SYTL1: variants seen among roughly 807,000 people sequenced by gnomAD.
The protein encoded by SYTL1 is synaptotagmin-like protein 1.
SYTL1 carries 53 observed loss-of-function variants against 74.6 expected under a neutral mutation model. The observed-to-expected ratio is 0.71, with a 90% CI of 0.57 to 0.89. The LOEUF (loss-of-function observed/expected upper bound fraction) is 0.89, where lower values mean the gene tolerates loss of function less well. SYTL1 is among the 40% of genes least tolerant of loss of function. The pLI is 0.00. For missense variants in SYTL1, 728 were observed against 768.7 expected, an observed-to-expected ratio of 0.95 and a Z score of 0.63; for synonymous variants, 329 against 324.9, an observed-to-expected ratio of 1.01 and a Z score of -0.14.
Position 27,349,695 on chromosome 1 carries a change from C to G in SYTL1, c.677C>G (p.Pro226Arg), listed in dbSNP as rs779766613. The G allele has an allele frequency of 5.0e-6, 8 of 1,611,144 alleles. No homozygotes were observed. In the South Asian group the frequency reaches 8.8e-5, roughly 18 times the overall value. Residue 226 changes from proline to arginine, a missense_variant, in exon 8 of 15, where the codon CCG becomes CGG. By Grantham distance (103) the Pro-to-Arg change is moderately radical. Transcript: ENST00000616558. ...SQILENGEEA[P>R]GPDPSLDRML... Reference sequence around the variant, plus strand: ...ATCCTGGAGAATGGGGAGGAGGCCCCGGGGCCCGACCCCTCTCTCGACCGC... The same window carrying G: ...ATCCTGGAGAATGGGGAGGAGGCCCGGGGGCCCGACCCCTCTCTCGACCGC...
chr1:27,344,645 T>C (rs1013742285), intron 1 of SYTL1, among the ~76,000 whole-genome samples: 1 of 147,790 alleles, frequency 6.8e-6, no homozygotes, highest in Non-Finnish European at 1.5e-5. Context: ...AGGTCAGGAG[T>C]TCGAGGCCAG....
At chr1:27,344,373 G>A (rs973243906) in intron 1 of SYTL1, among the ~76,000 whole-genome samples, 8 of 151,962 alleles carry the variant, frequency 5.3e-5, no homozygotes, top group Non-Finnish European at 1.0e-4. Flanking sequence ...AAAGTGCTGG[G>A]ATTACAGGGG....
In SYTL1 at chr1:27,343,264, G is replaced by A. The variant is rs1386308855; in HGVS notation, c.-39+1114G>A. The A allele has an allele frequency of 6.5e-6, 1 of 152,746 alleles. No homozygotes were observed. The highest frequency in any genetic ancestry group is 2.4e-5 in the African/African-American group (1 of 41,458). The allele number at this position is 152,746 out of a possible 1,614,324, so 9.5% of individuals were successfully genotyped here. On this transcript the variant is annotated intron_variant, in intron 1 of 14. Transcript: ENST00000616558. The surrounding 1 kb of genome is among the most constrained non-coding windows in gnomAD (Gnocchi z 5.2). The stretch of plus-strand genomic sequence containing the variant: ...GCTGGGCAAATGCTTTCTTTCCGGA[G>A]TCACTGTGGTACCTGAGCATGGGCT...
chr1:27,349,320 G>C (rs2015135950), intron 6 of SYTL1, 78 bp from the exon 7 acceptor site: 1 of 1,452,350 alleles, frequency 6.9e-7, no homozygotes, highest in Non-Finnish European at 9.1e-7. Context: ...AGCTCGCTGG[G>C]GTTGTAAACC....
Position 27,351,610 on chromosome 1 carries a change from C to A in SYTL1, c.1343+55C>A. On this transcript the variant is annotated intron_variant, in intron 13 of 14. Transcript: ENST00000616558. This position sits in a 1 kb window ranked among gnomAD's most constrained non-coding sequence, Gnocchi z 5.0. ...ATTCTTTTGCCTGCAGTGGAGTGCC[C>A]AACCTCCACAAACCCTTACTAATCA... 8.8e-7 allele frequency: 1 copy of A among 1,142,678 alleles called. No individual in the cohort carries two copies. The highest frequency in any genetic ancestry group is 1.2e-6 in the Non-Finnish European group (1 of 808,056). The allele number at this position is 1,142,678 out of a possible 1,614,324, so 70.8% of individuals were successfully genotyped here.
rs998248593 is a variant in SYTL1, at chr1:27,342,781, G to A, written c.-39+631G>A. On this transcript the variant is annotated intron_variant, in intron 1 of 14. Transcript: ENST00000616558. The surrounding 1 kb of genome is among the most constrained non-coding windows in gnomAD (Gnocchi z 4.7). Reference sequence around the variant, plus strand: ...CAACGCAGACATGCCCACCAGACTCGGACCCACACAGCCACACAACAGGGC... The same window carrying A: ...CAACGCAGACATGCCCACCAGACTCAGACCCACACAGCCACACAACAGGGC... 2.6e-5 allele frequency among the ~76,000 whole-genome samples: 4 copies of A among 151,982 alleles called. No homozygotes were observed. The highest frequency in any genetic ancestry group is 9.7e-5 in the African/African-American group (4 of 41,326).
chr1:27,347,955 C>G lies in SYTL1; in HGVS notation c.414-12C>G. ...GTCCCTCCCTCTGAGAGCGTCCTCTCCCTACTCCTAGGCTCACCATTGATG... is the reference window on the plus strand; with the variant it reads ...GTCCCTCCCTCTGAGAGCGTCCTCTGCCTACTCCTAGGCTCACCATTGATG... On this transcript the variant is annotated splice_polypyrimidine_tract_variant and intron_variant, in intron 4 of 14. Transcript: ENST00000616558. This position sits in a 1 kb window ranked among gnomAD's most constrained non-coding sequence, Gnocchi z 4.9. The G allele has an allele frequency of 6.2e-7, 1 of 1,614,144 alleles. No homozygotes were observed. Among genetic ancestry groups the G allele is most frequent in the Non-Finnish European group, 8.5e-7 (1 of 1,179,996 alleles).
At position 27,350,077 on chromosome 1, in the gene SYTL1, G is replaced by C; in HGVS notation, c.853G>C (p.Val285Leu). The C allele has an allele frequency of 6.7e-7, 1 of 1,494,974 alleles. No individual in the cohort carries two copies. Among genetic ancestry groups the C allele is most frequent in the East Asian group, 2.8e-5 (1 of 35,794 alleles). The allele number at this position is 1,494,974 out of a possible 1,614,324, so 92.6% of individuals were successfully genotyped here. A position where few individuals can be genotyped will look rare whatever the true frequency, so the allele number is the denominator to read the frequency against. Residue 285 changes from valine to leucine, a missense_variant, in exon 9 of 15, where the codon GTG becomes CTG. By Grantham distance (32) the Val-to-Leu change is conservative. Transcript: ENST00000616558. This position sits in a 1 kb window ranked among gnomAD's most constrained non-coding sequence, Gnocchi z 6.3. ...CGAGCCGGGCGCCGCCGAGCTGCGCGTGCACGTGATCCAGTGCCAGGGCCT... is the reference window on the plus strand; with the variant it reads ...CGAGCCGGGCGCCGCCGAGCTGCGCCTGCACGTGATCCAGTGCCAGGGCCT... ...HYEPGAAELR[V>L]HVIQCQGLAA...
Position 27,342,355 on chromosome 1 carries a change from C to G in SYTL1, c.-39+205C>G. Reference sequence around the variant, plus strand: ...CAAAACAGCAGAGAAGACCAAACTCCTACCTAACTCTGGTAGGAGATTCTG... The same window carrying G: ...CAAAACAGCAGAGAAGACCAAACTCGTACCTAACTCTGGTAGGAGATTCTG... On this transcript the variant is annotated intron_variant, in intron 1 of 14. Coordinates refer to ENST00000616558, the MANE Select transcript of SYTL1 (RefSeq NM_001193308.2). This position sits in a 1 kb window ranked among gnomAD's most constrained non-coding sequence, Gnocchi z 4.7. The G allele has an allele frequency of 1.0e-6, 1 of 985,118 alleles. No homozygotes were observed. Among genetic ancestry groups the G allele is most frequent in the Non-Finnish European group, 1.2e-6 (1 of 829,600 alleles). 61.0% of individuals were successfully genotyped at this position (985,118 alleles called of 1,614,324 possible). A position where few individuals can be genotyped will look rare whatever the true frequency, so the allele number is the denominator to read the frequency against.
In SYTL1 at chr1:27,349,671, T is replaced by C. The variant is rs752830018; in HGVS notation, c.653T>C (p.Ile218Thr). Residue 218 changes from isoleucine (I) to threonine (T), a missense_variant, in exon 8 of 15, where the codon ATC becomes ACC. Physicochemically the swap from Ile to Thr is moderately conservative, Grantham distance 89 (BLOSUM62 -1). Coordinates refer to ENST00000616558, the MANE Select transcript of SYTL1 (RefSeq NM_001193308.2). ...QQAQTKAASQ[I>T]LENGEEAPGP... ...CTGCAGACCAAGGCCGCGTCCCAGA[T>C]CCTGGAGAATGGGGAGGAGGCCCCG... 8.7e-6 allele frequency: 14 copies of C among 1,610,310 alleles called. No individual in the cohort carries two copies. Among genetic ancestry groups the C allele is most frequent in the Middle Eastern group, 1.6e-4 (1 of 6,076 alleles).
intron 5 of SYTL1, 76 bp from the exon 6 acceptor site, chr1:27,349,004 C>A: frequency 1.6e-6 from 2 of 1,217,702 alleles, no homozygotes; most frequent in South Asian, 1.3e-5. Flanking sequence ...GCCCTATGAC[C>A]TCTGACCCCA....
chr1:27,348,089 GC>G lies in SYTL1; in HGVS notation c.459+81del, dbSNP rs2015082199. On this transcript the variant is annotated intron_variant, in intron 5 of 14. Transcript: ENST00000616558. The surrounding 1 kb of genome is among the most constrained non-coding windows in gnomAD (Gnocchi z 4.1). ...ATGTGCAGGGGGCAGGGGGGAAAGA[GC>G]CCCAGCCTGGGAATGGGGAGACCCT... 6.3e-6 allele frequency: 9 copies of G among 1,435,998 alleles called. No individual in the cohort carries two copies. In the East Asian group the frequency reaches 2.0e-4, roughly 33 times the overall value. The allele number at this position is 1,435,998 out of a possible 1,614,324, so 89.0% of individuals were successfully genotyped here. A position where few individuals can be genotyped will look rare whatever the true frequency, so the allele number is the denominator to read the frequency against.
chr1:27,348,096 C>A lies in SYTL1; in HGVS notation c.459+84C>A. The A allele has an allele frequency of 1.5e-6, 2 of 1,358,630 alleles. No individual in the cohort carries two copies. The highest frequency in any genetic ancestry group is 2.1e-6 in the Non-Finnish European group (2 of 949,836). 84.2% of individuals were successfully genotyped at this position (1,358,630 alleles called of 1,614,324 possible). A position where few individuals can be genotyped will look rare whatever the true frequency, so the allele number is the denominator to read the frequency against. ...GGGGGCAGGGGGGAAAGAGCCCCAG[C>A]CTGGGAATGGGGAGACCCTGGAAAT... On this transcript the variant is annotated intron_variant, in intron 5 of 14. Transcript: ENST00000616558. The surrounding 1 kb of genome is among the most constrained non-coding windows in gnomAD (Gnocchi z 4.1).
At position 27,342,431 on chromosome 1, in the gene SYTL1, G is replaced by A. The variant is rs375790843; in HGVS notation, c.-39+281G>A. ...TCAGGGAGGGGGCACTGCTGAGGAC[G>A]CTGGGCTGATGCCCATGGCCCAGCT... On this transcript the variant is annotated intron_variant, in intron 1 of 14. Coordinates refer to ENST00000616558, the MANE Select transcript of SYTL1 (RefSeq NM_001193308.2). This position sits in a 1 kb window ranked among gnomAD's most constrained non-coding sequence, Gnocchi z 4.7. The A allele has an allele frequency of 6.6e-5, 47 of 706,948 alleles. No homozygotes were observed. In the South Asian group the frequency reaches 2.5e-3, roughly 38 times the overall value. 43.8% of individuals were successfully genotyped at this position (706,948 alleles called of 1,614,324 possible).
chr1:27,344,201 T>A (rs545998638), intron 1 of SYTL1, among the ~76,000 whole-genome samples: 1 of 152,234 alleles, frequency 6.6e-6, no homozygotes, highest in Admixed American at 6.5e-5. Context: ...CCTCCCAGTT[T>A]CAAGCAATTC....
intron 6 of SYTL1, 26 bp downstream of exon 6, chr1:27,349,178 C>T (rs369620662): frequency 1.2e-6 from 2 of 1,607,560 alleles, no homozygotes; most frequent in African/African-American, 1.3e-5. Flanking sequence ...TGTTGGGGAG[C>T]ACGGAGAGGT....
rs950912842 is a variant in SYTL1 at position 27,349,098 on chromosome 1, C to T, written c.478C>T (p.Pro160Ser). 2.5e-6 allele frequency: 4 copies of T among 1,613,838 alleles called. No individual in the cohort carries two copies. The highest frequency in any genetic ancestry group is 1.7e-5 in the Admixed American group (1 of 59,990). The stretch of plus-strand genomic sequence containing the variant: ...CCTTCAGGGACCTGATTTCCCATCG[C>T]CTTCTGTCCCCCTAAAGGCTTCAGA... Reference protein sequence around the residue: ...RETEGPDFPSPSVPLKASDPE... With the variant: ...RETEGPDFPSSSVPLKASDPE... The change falls in exon 6 of 15, where the codon CCT becomes TCT. Residue 160 changes from proline (P) to serine (S), a missense_variant. Transcript: ENST00000616558.
Position 27,353,831 on chromosome 1 carries a change from C to A in SYTL1, c.1668C>A (p.Thr556=), listed in dbSNP as rs777456735. ...EWVDGLLPLR[T]NLAPRT ...TGGATGGCCTTCTACCCCTCAGAAC[C>A]AACCTGGCCCCCAGGACGTAGCCCC... is the stretch of plus-strand genomic sequence containing the variant. The change falls in exon 15 of 15, where the codon ACC becomes ACA. Residue 556 remains threonine, a synonymous_variant. Coordinates refer to ENST00000616558, the MANE Select transcript of SYTL1 (RefSeq NM_001193308.2). 2.5e-6 allele frequency: 4 copies of A among 1,613,892 alleles called. No individual in the cohort carries two copies. The highest frequency in any genetic ancestry group is 2.2e-5 in the South Asian group (2 of 91,070).
In SYTL1 at chr1:27,348,881, G is replaced by A. The variant is rs777532235; in HGVS notation, c.460-199G>A. On this transcript the variant is annotated intron_variant, in intron 5 of 14. Transcript: ENST00000616558. This position sits in a 1 kb window ranked among gnomAD's most constrained non-coding sequence, Gnocchi z 4.1. The stretch of plus-strand genomic sequence containing the variant: ...CACCAATGGGAGTAGGGAGTCAGGC[G>A]GCACAAGCCCTGCGGGGTGGGCTGT... Among the ~76,000 whole-genome samples, 2 of 152,184 alleles carry A rather than the reference G, an allele frequency of 1.3e-5. No homozygotes were observed. The highest frequency in any genetic ancestry group is 2.9e-5 in the Non-Finnish European group (2 of 68,022).
Sources: allele counts gnomAD v4.1 joint callset (sites outside exome capture counted in the v4.1 genomes callset), GRCh38; gene constraint gnomAD v4.1.1; non-coding constraint Gnocchi (gnomAD v3.1); transcripts MANE v1.5; gene names NCBI Gene and HGNC (gene_info 2026-07-23, HGNC 2026-07-21).